GPC6: variants seen among roughly 807,000 people sequenced by gnomAD.
GPC6 encodes the protein glypican 6, also known as glypican-6.
A neutral mutation model predicts 55.2 loss-of-function variants in GPC6; 14 were observed. That is an observed-to-expected ratio of 0.25 (90% CI 0.17 to 0.40). GPC6 has a LOEUF of 0.40. Among genes scored for constraint, GPC6 ranks in the 10% least tolerant of loss-of-function variants. The probability of loss-of-function intolerance (pLI) is 1.00; values close to 1 mark genes in which losing one functional copy is unlikely to be tolerated. For missense variants in GPC6, 641 were observed against 708.5 expected, an observed-to-expected ratio of 0.90 and a Z score of 1.08; for synonymous variants, 278 against 259.6, an observed-to-expected ratio of 1.07 and a Z score of -0.68.
chr13:93,935,858 TGAA>T (rs1878411919), intron 3 of GPC6, among the ~76,000 whole-genome samples: 1 of 152,228 alleles, frequency 6.6e-6, no homozygotes, highest in African/African-American at 2.4e-5. Context: ...GTGGTGCTTG[TGAA>T]GAATGCAGAT....
intron 3 of GPC6, among the ~76,000 whole-genome samples, chr13:93,870,770 G>A (rs762736235): frequency 1.5e-4 from 22 of 151,716 alleles, no homozygotes; most frequent in Non-Finnish European, 2.8e-4. Context: ...CAAACTGAGA[G>A]GCCTCAAAAT....
At chr13:94,069,173 T>C (rs1353081821) in intron 4 of GPC6, among the ~76,000 whole-genome samples, 1 of 152,186 alleles carries the variant, frequency 6.6e-6, no homozygotes, top group Non-Finnish European at 1.5e-5. Flanking sequence ...TATTGACTTC[T>C]GTGTACTTGC....
intron 2 of GPC6, among the ~76,000 whole-genome samples, chr13:93,819,459 A>G (rs897174393): frequency 5.9e-5 from 9 of 152,236 alleles, no homozygotes; most frequent in African/African-American, 2.2e-4. Context: ...GAATGATTTT[A>G]AGTTACTGTT....
intron 4 of GPC6, among the ~76,000 whole-genome samples, chr13:94,250,520 A>C (rs1436044269): frequency 2.0e-5 from 3 of 152,202 alleles, no homozygotes; most frequent in Non-Finnish European, 4.4e-5. Context: ...TTAACTCTAT[A>C]ATTGTGATTT....
intron 1 of GPC6, among the ~76,000 whole-genome samples, chr13:93,302,566 G>C (rs1878719076): frequency 6.6e-6 from 1 of 152,234 alleles, no homozygotes; most frequent in African/African-American, 2.4e-5. Flanking sequence ...GAATGTCAGA[G>C]GGGAGTTGTG....
At chr13:94,376,631 A>G (rs1879870210) in intron 6 of GPC6, among the ~76,000 whole-genome samples, 1 of 151,994 alleles carries the variant, frequency 6.6e-6, no homozygotes, top group Non-Finnish European at 1.5e-5. Context: ...TGCCCAAGGT[A>G]ATTTACAGAT....
intron 3 of GPC6, among the ~76,000 whole-genome samples, chr13:93,998,703 A>T (rs1227456277): frequency 6.6e-6 from 1 of 152,188 alleles, no homozygotes; most frequent in Non-Finnish European, 1.5e-5. Context: ...TAAAAAATTA[A>T]TTAATTTTTA....
chr13:93,782,179 A>G (rs1297609382), intron 2 of GPC6, among the ~76,000 whole-genome samples: 4 of 151,968 alleles, frequency 2.6e-5, no homozygotes, highest in African/African-American at 4.8e-5. Flanking sequence ...AGATCACGTG[A>G]TTTTTATCAT....
intron 4 of GPC6, among the ~76,000 whole-genome samples, chr13:94,047,985 CTT>C (rs1157116785): frequency 1.3e-5 from 2 of 151,676 alleles, no homozygotes; most frequent in African/African-American, 4.8e-5. Flanking sequence ...GGAAGCAACA[CTT>C]GAGAAATATT....
intron 1 of GPC6, among the ~76,000 whole-genome samples, chr13:93,530,408 G>A (rs774282906): frequency 6.6e-6 from 1 of 152,156 alleles, no homozygotes; most frequent in Non-Finnish European, 1.5e-5. Context: ...AGTCAGAAAT[G>A]TGAGGAACTG....
intron 3 of GPC6, among the ~76,000 whole-genome samples, chr13:93,844,392 C>T (rs1276530890): frequency 6.6e-6 from 1 of 152,178 alleles, no homozygotes; most frequent in Non-Finnish European, 1.5e-5. Context: ...CCACCTCAGC[C>T]TCCCAAAGTG....
intron 1 of GPC6, among the ~76,000 whole-genome samples, chr13:93,385,718 T>C (rs1197216825): frequency 6.6e-6 from 1 of 152,190 alleles, no homozygotes; most frequent in Non-Finnish European, 1.5e-5. Context: ...TTCTAATGAA[T>C]GCTTTCTCCC....
chr13:93,510,767 G>A (rs1301013652), intron 1 of GPC6, among the ~76,000 whole-genome samples: 5 of 150,752 alleles, frequency 3.3e-5, no homozygotes, highest in South Asian at 2.1e-4. Context: ...CACTAACAGC[G>A]TATAAGCTTT....
chr13:93,956,359 A>G (rs763300721), intron 3 of GPC6, among the ~76,000 whole-genome samples: 1 of 152,128 alleles, frequency 6.6e-6, no homozygotes, highest in Non-Finnish European at 1.5e-5. Context: ...CTGGCTTCCT[A>G]CTTCCAAATA....
chr13:94,078,252 A>G (rs1884988114), intron 4 of GPC6, among the ~76,000 whole-genome samples: 1 of 151,946 alleles, frequency 6.6e-6, no homozygotes, highest in African/African-American at 2.4e-5. Context: ...AACATATGGG[A>G]TGCAACAAAA....
chr13:93,741,405 G>A (rs938040225), intron 2 of GPC6, among the ~76,000 whole-genome samples: 17 of 152,106 alleles, frequency 1.1e-4, no homozygotes, highest in African/African-American at 3.4e-4. Context: ...GTGAGCCACC[G>A]CACCTGGCCC....
intron 1 of GPC6, among the ~76,000 whole-genome samples, chr13:93,490,651 C>T (rs1879954496): frequency 8.4e-6 from 1 of 119,760 alleles, no homozygotes; most frequent in Admixed American, 8.6e-5. Flanking sequence ...GTATATCTCC[C>T]AGTGCTATCC....
chr13:93,723,243 T>G (rs1883511878), intron 2 of GPC6, among the ~76,000 whole-genome samples: 1 of 151,912 alleles, frequency 6.6e-6, no homozygotes, highest in South Asian at 2.1e-4. Context: ...GATGAGAACA[T>G]ATTTGCAGAA....
chr13:93,854,958 T>C (rs1284071290), intron 3 of GPC6, among the ~76,000 whole-genome samples: 1 of 151,610 alleles, frequency 6.6e-6, no homozygotes, highest in Non-Finnish European at 1.5e-5. Flanking sequence ...TCACCTCATG[T>C]ACAGCCTCCC....
Sources: allele counts gnomAD v4.1 joint callset (sites outside exome capture counted in the v4.1 genomes callset), GRCh38; gene constraint gnomAD v4.1.1; transcripts MANE v1.5; gene names NCBI Gene and HGNC (gene_info 2026-07-23, HGNC 2026-07-21).